Variants in ANKH observed in about 807,000 individuals in gnomAD.
ANKH encodes ANKH inorganic pyrophosphate transport regulator, also known as mineralization regulator ANKH.
In ANKH, 15 loss-of-function variants were observed where a neutral mutation model predicts 49.0. The observed-to-expected ratio is 0.31, with a 90% CI of 0.20 to 0.47. ANKH has a LOEUF of 0.47. ANKH is among the 20% of genes least tolerant of loss of function. ANKH has a pLI of 1.00. For synonymous variants in ANKH, 273 were observed against 260.0 expected, an observed-to-expected ratio of 1.05 and a Z score of -0.48; for missense variants, 429 against 652.0, an observed-to-expected ratio of 0.66 and a Z score of 3.72.
At chr5:14,754,913 TA>T (rs747037728) in intron 4 of ANKH, among the ~76,000 whole-genome samples, 2 of 152,034 alleles carry the variant, frequency 1.3e-5, no homozygotes, top group African/African-American at 2.4e-5. Flanking sequence ...CCATCTCTAC[TA>T]AAAATACAAA....
At position 14,736,078 on chromosome 5, in the gene ANKH, G is replaced by A. The variant is rs1355472773; in HGVS notation, c.1011+5749C>T. ...TTAAATACAAACAGCCATTGACCTC[G>A]GATACCCTTGCACTCTATTGCATGA... On this transcript the variant is annotated intron_variant, in intron 8 of 11. Transcript: ENST00000284268. 8.2e-5 allele frequency among the ~76,000 whole-genome samples: 11 copies of A among 133,758 alleles called. No individual in the cohort carries two copies. In the Admixed American group the frequency reaches 9.4e-4, roughly 11 times the overall value. The allele number at this position is 133,758 out of a possible 152,430, so 87.8% of individuals were successfully genotyped here.
chr5:14,846,277 A>G (rs955189318), intron 1 of ANKH, among the ~76,000 whole-genome samples: 1 of 152,304 alleles, frequency 6.6e-6, no homozygotes, highest in African/African-American at 2.4e-5. Context: ...ACTGTTACCT[A>G]AGTGTCTACT....
intron 1 of ANKH, among the ~76,000 whole-genome samples, chr5:14,775,777 T>G (rs1316731285): frequency 6.6e-6 from 1 of 152,096 alleles, no homozygotes; most frequent in Non-Finnish European, 1.5e-5. Context: ...CTGAGATGAT[T>G]CTAGGTGGCA....
intron 1 of ANKH, among the ~76,000 whole-genome samples, chr5:14,852,358 C>T (rs1742144080): frequency 6.6e-6 from 1 of 151,904 alleles, no homozygotes; most frequent in African/African-American, 2.4e-5. Flanking sequence ...CAGCAAGGCC[C>T]CTGGAAATTA....
intron 7 of ANKH, among the ~76,000 whole-genome samples, chr5:14,744,929 G>A (rs1181819882): frequency 6.6e-6 from 1 of 152,206 alleles, no homozygotes; most frequent in East Asian, 1.9e-4. Context: ...CCGGCGGTGG[G>A]GGAAAGAGGG....
rs1737481991 is a variant in ANKH, at chr5:14,716,840, G to A, written c.1012-5C>T. On this transcript the variant is annotated splice_polypyrimidine_tract_variant and splice_region_variant and intron_variant, in intron 8 of 11. Coordinates refer to ENST00000284268, the MANE Select transcript of ANKH (RefSeq NM_054027.6). The stretch of plus-strand genomic sequence containing the variant: ...CCAAAACATCACGAAACAGAGCTGG[G>A]GAGAAAGACATCAAACAGGGTTGTG... 2 of 1,613,778 alleles carry A rather than the reference G, an allele frequency of 1.2e-6. No homozygotes were observed. The highest frequency in any genetic ancestry group is 2.2e-5 in the East Asian group (1 of 44,866).
chr5:14,770,953 A>G lies in ANKH; in HGVS notation c.97-1762T>C, dbSNP rs1739410902. Among the ~76,000 whole-genome samples, 2 of 152,258 alleles carry G rather than the reference A, an allele frequency of 1.3e-5. No individual in the cohort carries two copies. The highest frequency in any genetic ancestry group is 6.5e-5 in the Admixed American group (1 of 15,288). On this transcript the variant is annotated intron_variant, in intron 1 of 11. Coordinates refer to ENST00000284268, the MANE Select transcript of ANKH (RefSeq NM_054027.6). This position sits in a 1 kb window ranked among gnomAD's most constrained non-coding sequence, Gnocchi z 4.1. ...AATCACATTCATAGAATTCATATTC[A>G]GTCTCTGCTATGTAAACTGAAAGAA... is the stretch of plus-strand genomic sequence containing the variant.
intron 1 of ANKH, chr5:14,797,787 C>T: frequency 6.2e-7 from 1 of 1,611,356 alleles, no homozygotes; most frequent in South Asian, 1.1e-5. Flanking sequence ...ACTGATGTCC[C>T]ACAGGCAGAT....
intron 1 of ANKH, among the ~76,000 whole-genome samples, chr5:14,833,071 T>C (rs534571871): frequency 1.3e-5 from 2 of 152,348 alleles, no homozygotes; most frequent in East Asian, 3.9e-4. Context: ...TGCACTATTA[T>C]TCCTATTGTC....
At chr5:14,828,536 A>C (rs1251732024) in intron 1 of ANKH, among the ~76,000 whole-genome samples, 1 of 152,064 alleles carries the variant, frequency 6.6e-6, no homozygotes, top group African/African-American at 2.4e-5. Context: ...AACAAACAAA[A>C]AAACAAACAA....
chr5:14,831,424 T>C (rs1422748304), intron 1 of ANKH, among the ~76,000 whole-genome samples: 2 of 152,218 alleles, frequency 1.3e-5, no homozygotes, highest in Non-Finnish European at 2.9e-5. Flanking sequence ...GTGTTTCTCA[T>C]ATCTCCGCAC....
At chr5:14,807,038 AAACT>A (rs1489711015) in intron 1 of ANKH, among the ~76,000 whole-genome samples, 1 of 152,118 alleles carries the variant, frequency 6.6e-6, no homozygotes, top group Non-Finnish European at 1.5e-5. Flanking sequence ...ACCAAGCATT[AAACT>A]AACTGCCACA....
chr5:14,863,894 TA>T, intron 1 of ANKH, among the ~76,000 whole-genome samples: 1 of 152,314 alleles, frequency 6.6e-6, no homozygotes, highest in South Asian at 2.1e-4. Context: ...GTGGTTCCCA[TA>T]AACGGTATCA....
At chr5:14,724,610 G>T (rs1055158166) in intron 8 of ANKH, 1 of 984,946 alleles carries the variant, frequency 1.0e-6, no homozygotes, top group Non-Finnish European at 1.2e-6. Flanking sequence ...AACCACGGAA[G>T]GGGGATTTGA....
chr5:14,814,629 C>T (rs1740978552), intron 1 of ANKH, among the ~76,000 whole-genome samples: 1 of 152,146 alleles, frequency 6.6e-6, no homozygotes, highest in African/African-American at 2.4e-5. Flanking sequence ...TAAAATGTAA[C>T]TAAATGGACC....
chr5:14,812,665 T>C (rs2126575686), intron 1 of ANKH, among the ~76,000 whole-genome samples: 1 of 152,320 alleles, frequency 6.6e-6, no homozygotes, highest in Non-Finnish European at 1.5e-5. Flanking sequence ...TGATATCTGA[T>C]CACCCTTGAT....
chr5:14,731,691 G>A, intron 8 of ANKH, among the ~76,000 whole-genome samples: 1 of 152,240 alleles, frequency 6.6e-6, no homozygotes. Context: ...GAGCCTCGAG[G>A]TTGGAAATCC....
In ANKH at chr5:14,755,927, G is replaced by A; in HGVS notation, c.450C>T (p.Gly150=). 2 of 1,614,002 alleles carry A rather than the reference G, an allele frequency of 1.2e-6. No homozygotes were observed. The highest frequency in any genetic ancestry group is 1.1e-5 in the South Asian group (1 of 91,076). ...AACTGTATTTGTGTTTTAAGAGAATGCCAGCATGGGTCCATGCCTGCCAGA... is the reference window on the plus strand; with the variant it reads ...AACTGTATTTGTGTTTTAAGAGAATACCAGCATGGGTCCATGCCTGCCAGA... The part of the protein sequence containing the change: ...FMDAMAWTHA[G]ILLKHKYSFL... Residue 150 remains glycine (G), a synonymous_variant, in exon 4 of 12, where the codon GGC becomes GGT. Coordinates refer to ENST00000284268, the MANE Select transcript of ANKH (RefSeq NM_054027.6).
intron 2 of ANKH, among the ~76,000 whole-genome samples, chr5:14,762,387 C>G (rs1739115919): frequency 6.6e-6 from 1 of 152,188 alleles, no homozygotes; most frequent in African/African-American, 2.4e-5. Flanking sequence ...CAACTCTTGC[C>G]TCCTTCAGCA....
Sources: gnomAD v4.1 joint callset for allele counts (sites outside exome capture counted in the v4.1 genomes callset) on GRCh38, gnomAD v4.1.1 for gene constraint, Gnocchi (gnomAD v3.1) non-coding constraint, MANE v1.5 for transcripts, NCBI Gene and HGNC (gene_info 2026-07-23, HGNC 2026-07-21) for gene names.